The following CADM2 variants were observed in gnomAD, a reference collection of about 807,000 sequenced individuals.
CADM2 encodes the protein immunoglobulin superfamily member 4D.
A neutral mutation model predicts 49.8 loss-of-function variants in CADM2; 12 were observed. That is an observed-to-expected ratio of 0.24 (90% CI 0.15 to 0.39). CADM2 has a LOEUF of 0.39. Among genes scored for constraint, CADM2 ranks in the 10% least tolerant of loss-of-function variants. CADM2 has a pLI of 1.00. For missense variants in CADM2, 378 were observed against 492.3 expected (o/e 0.77, Z 2.20); for synonymous variants, 214 against 175.4 (o/e 1.22, Z -1.74).
intron 1 of CADM2, among the ~76,000 whole-genome samples, chr3:85,670,063 T>C (rs62261691): frequency 6.6e-6 from 1 of 151,912 alleles, no homozygotes; most frequent in East Asian, 1.9e-4. Flanking sequence ...AAAATTAGAT[T>C]AGAAGCTCTC....
intron 1 of CADM2, among the ~76,000 whole-genome samples, chr3:85,004,944 G>A (rs777594640): frequency 7.2e-5 from 11 of 152,174 alleles, no homozygotes; most frequent in East Asian, 5.8e-4. Flanking sequence ...GTGATGGCTC[G>A]GCACATCCAA....
intron 1 of CADM2, among the ~76,000 whole-genome samples, chr3:85,501,179 T>C (rs1460608853): frequency 6.6e-6 from 1 of 152,164 alleles, no homozygotes; most frequent in African/African-American, 2.4e-5. Flanking sequence ...AATGATTTGG[T>C]CAAAGCAAAT....
intron 1 of CADM2, among the ~76,000 whole-genome samples, chr3:85,552,037 A>G (rs1037235349): frequency 3.9e-5 from 6 of 152,282 alleles, no homozygotes; most frequent in South Asian, 4.1e-4. Context: ...ATAAAAGACC[A>G]TACAATATAA....
At chr3:85,613,142 G>A (rs2063719710) in intron 1 of CADM2, among the ~76,000 whole-genome samples, 1 of 151,670 alleles carries the variant, frequency 6.6e-6, no homozygotes. Flanking sequence ...TCTAATGTAT[G>A]CAGACACATT....
chr3:84,972,102 A>G (rs182838512), intron 1 of CADM2, among the ~76,000 whole-genome samples: 2 of 152,198 alleles, frequency 1.3e-5, no homozygotes, highest in African/African-American at 4.8e-5. Context: ...CAAGAGACCT[A>G]AGTTCTCAGG....
chr3:85,756,513 C>T (rs1402399501), intron 2 of CADM2, among the ~76,000 whole-genome samples: 1 of 152,116 alleles, frequency 6.6e-6, no homozygotes, highest in East Asian at 1.9e-4. Context: ...AGTTTTACTG[C>T]ATGGTACAAT....
At chr3:85,221,401 T>C (rs2042041290) in intron 1 of CADM2, among the ~76,000 whole-genome samples, 1 of 152,120 alleles carries the variant, frequency 6.6e-6, no homozygotes, top group South Asian at 2.1e-4. Context: ...GATGCTTCAT[T>C]GTTATTAATT....
chr3:85,060,437 C>T (rs1262600671), intron 1 of CADM2, among the ~76,000 whole-genome samples: 4 of 152,116 alleles, frequency 2.6e-5, no homozygotes, highest in Non-Finnish European at 5.9e-5. Flanking sequence ...CTTCTTAAAA[C>T]AAATACTGGT....
At chr3:84,971,274 T>C (rs969867574) in intron 1 of CADM2, among the ~76,000 whole-genome samples, 1 of 152,156 alleles carries the variant, frequency 6.6e-6, no homozygotes, top group African/African-American at 2.4e-5. Flanking sequence ...ACTGATTTTA[T>C]AGAAAGACTG....
intron 8 of CADM2, chr3:86,014,122 G>A (rs1005492407): frequency 2.2e-5 from 28 of 1,284,394 alleles, no homozygotes; most frequent in East Asian, 9.4e-5. Context: ...CAGTGGACAC[G>A]CAGGCATGAT....
At chr3:85,853,191 A>T (rs1452722762) in intron 3 of CADM2, among the ~76,000 whole-genome samples, 2 of 151,984 alleles carry the variant, frequency 1.3e-5, no homozygotes, top group Admixed American at 1.3e-4. Context: ...TGAGCAGCTG[A>T]GAAAGAGCAA....
intron 8 of CADM2, 69 bp from the exon 9 acceptor site, chr3:86,065,536 C>T: frequency 4.1e-6 from 6 of 1,472,136 alleles, no homozygotes; most frequent in Non-Finnish European, 5.5e-6. Flanking sequence ...ATAACTCATT[C>T]TAATGCAGTT....
At position 85,883,304 on chromosome 3, in the gene CADM2, T is replaced by C; in HGVS notation, c.252T>C (p.Asn84=). 1 of 1,612,078 alleles carries C rather than the reference T, an allele frequency of 6.2e-7. No individual in the cohort carries two copies. The highest frequency in any genetic ancestry group is 8.5e-7 in the Non-Finnish European group (1 of 1,178,826). ...YFDDKKALRD[N]RIELVRASWH... ...TTCTCTTTCCAGCTTTAAGGGACAA[T>C]AGGATCGAGCTGGTTCGCGCTTCCT... The change falls in exon 4 of 10, where the codon AAT becomes AAC. Residue 84 remains asparagine, a synonymous_variant. Coordinates refer to ENST00000383699, the MANE Select transcript of CADM2 (RefSeq NM_001167675.2).
At chr3:85,634,789 A>T (rs1165983153) in intron 1 of CADM2, among the ~76,000 whole-genome samples, 1 of 152,144 alleles carries the variant, frequency 6.6e-6, no homozygotes, top group African/African-American at 2.4e-5. Flanking sequence ...TGACTTTCTG[A>T]TAAGACAAAG....
intron 8 of CADM2, among the ~76,000 whole-genome samples, chr3:86,017,722 T>C (rs79550248): frequency 0.032 from 4,704 of 148,990 alleles, 144 homozygotes; most frequent in African/African-American, 0.076. Context: ...CAGGAGACCC[T>C]GTCTCCAAAA....
chr3:85,965,580 AC>A (rs923694469), intron 8 of CADM2, among the ~76,000 whole-genome samples: 5 of 151,126 alleles, frequency 3.3e-5, no homozygotes, highest in African/African-American at 9.7e-5. Context: ...AAATGAGAAA[AC>A]TCTAATTTTT....
intron 1 of CADM2, among the ~76,000 whole-genome samples, chr3:85,617,354 T>C (rs1051614427): frequency 6.6e-6 from 1 of 152,112 alleles, no homozygotes; most frequent in Non-Finnish European, 1.5e-5. Context: ...TACAAAGATA[T>C]TTTAAAGCAT....
chr3:85,435,308 G>GT (rs2036874816), intron 1 of CADM2, among the ~76,000 whole-genome samples: 1 of 152,012 alleles, frequency 6.6e-6, no homozygotes, highest in South Asian at 2.1e-4. Context: ...GAGAATGATG[G>GT]TTTCCAGCTT....
intron 1 of CADM2, among the ~76,000 whole-genome samples, chr3:85,601,165 T>TAC (rs2063390064): frequency 1.3e-5 from 1 of 78,336 alleles, no homozygotes; most frequent in Admixed American, 1.5e-4. Flanking sequence ...TATATATATA[T>TAC]ATATATATAC....
Sources: allele counts gnomAD v4.1 joint callset (sites outside exome capture counted in the v4.1 genomes callset), GRCh38; gene constraint gnomAD v4.1.1; transcripts MANE v1.5; gene names NCBI Gene and HGNC (gene_info 2026-07-23, HGNC 2026-07-21).